The following AGFG1 variants were observed in gnomAD, a reference collection of about 807,000 sequenced individuals.
AGFG1 encodes the protein ArfGAP with FG repeats 1.
AGFG1 carries 10 observed loss-of-function variants against 60.6 expected under a neutral mutation model. The ratio of observed to expected loss-of-function variants is 0.16; its 90% CI spans 0.10 to 0.28. The LOEUF is 0.28. AGFG1 is among the 10% of genes least tolerant of loss of function. AGFG1 has a pLI of 1.00. For missense variants in AGFG1, 537 were observed against 676.5 expected (o/e 0.79, Z 2.29); for synonymous variants, 247 against 242.9 (o/e 1.02, Z -0.16).
chr2:227,551,926 G>T, intron 10 of AGFG1, 33 bp from the exon 11 acceptor site: 1 of 1,609,180 alleles, frequency 6.2e-7, no homozygotes, highest in Non-Finnish European at 8.5e-7. Context: ...ATATCCTGTT[G>T]TATGTAACTG....
chr2:227,540,366 C>T lies in AGFG1; in HGVS notation c.1378+3373C>T, dbSNP rs115578530. On this transcript the variant is annotated intron_variant, in intron 10 of 12. Coordinates refer to ENST00000310078, the MANE Select transcript of AGFG1 (RefSeq NM_004504.5). Reference sequence around the variant, plus strand: ...CCACTCTACCCGACCCCAAGACAGGCGCCGGTGTGTGATGTTCCCCACCTT... The same window carrying T: ...CCACTCTACCCGACCCCAAGACAGGTGCCGGTGTGTGATGTTCCCCACCTT... 1.9e-3 allele frequency among the ~76,000 whole-genome samples: 291 copies of T among 152,166 alleles called. 1 individual carries two copies. The highest frequency in any genetic ancestry group is 3.2e-3 in the Non-Finnish European group (219 of 68,010).
Position 227,523,130 on chromosome 2 carries a change from A to T in AGFG1, c.378-633A>T, listed in dbSNP as rs116744271. Among the ~76,000 whole-genome samples the T allele has an allele frequency of 4.9e-3, 747 of 152,338 alleles. 8 individuals are homozygous for T. The highest frequency in any genetic ancestry group is 8.0e-3 in the Non-Finnish European group (547 of 68,042). On this transcript the variant is annotated intron_variant, in intron 3 of 12. Transcript: ENST00000310078. ...GTGGCACTTCTGGTGCACAAAGCAC[A>T]CCTATTTATATATTTTAGTAGGTAG...
At chr2:227,485,243 C>CTTTTT (rs71036201) in intron 1 of AGFG1, among the ~76,000 whole-genome samples, 1 of 110,552 alleles carries the variant, frequency 9.0e-6, no homozygotes, top group Non-Finnish European at 1.8e-5. Context: ...CGAATCGTTT[C>CTTTTT]TTTTTTTTTT....
At position 227,482,577 on chromosome 2, in the gene AGFG1, C is replaced by T. The variant is rs150683734; in HGVS notation, c.168-8970C>T. Among the ~76,000 whole-genome samples, 415 of 152,182 alleles carry T rather than the reference C, an allele frequency of 2.7e-3. 1 individual carries two copies. Among genetic ancestry groups the T allele is most frequent in the African/African-American group, 9.3e-3 (386 of 41,508 alleles). The stretch of plus-strand genomic sequence containing the variant: ...AAATGTCAACTTTATTACTTTCTGC[C>T]AGTATTATTGGCAACTACATAAACT... On this transcript the variant is annotated intron_variant, in intron 1 of 12. Transcript: ENST00000310078.
chr2:227,480,525 T>C (rs533228300), intron 1 of AGFG1, among the ~76,000 whole-genome samples: 8 of 152,044 alleles, frequency 5.3e-5, no homozygotes, highest in Admixed American at 2.6e-4. Context: ...TCAGCCTCCC[T>C]GGTAGCTGGG....
At chr2:227,484,853 G>A (rs1396808023) in intron 1 of AGFG1, among the ~76,000 whole-genome samples, 2 of 151,520 alleles carry the variant, frequency 1.3e-5, no homozygotes, top group South Asian at 2.1e-4. Context: ...ACAAGTGTGC[G>A]CCAACATGCC....
intron 10 of AGFG1, among the ~76,000 whole-genome samples, chr2:227,542,137 T>C (rs942264122): frequency 4.6e-5 from 7 of 152,198 alleles, no homozygotes; most frequent in Non-Finnish European, 7.3e-5. Flanking sequence ...CTTTTCCTAA[T>C]TGAATACCCG....
chr2:227,556,141 A>G lies in AGFG1; in HGVS notation c.*1646A>G, dbSNP rs953256039. 7.9e-5 allele frequency: 12 copies of G among 152,246 alleles called. No homozygotes were observed. The South Asian group carries it at 8.3e-4, about 10-fold the overall frequency. 9.4% of individuals were successfully genotyped at this position (152,246 alleles called of 1,614,324 possible). ...TACACAGATATGTAGTACATATTTTAAAAGTTTTATCTTAAATTGATTAAA... is the reference window on the plus strand; with the variant it reads ...TACACAGATATGTAGTACATATTTTGAAAGTTTTATCTTAAATTGATTAAA... On this transcript the variant is annotated 3_prime_UTR_variant, in exon 13 of 13. Coordinates refer to ENST00000310078, the MANE Select transcript of AGFG1 (RefSeq NM_004504.5).
At chr2:227,552,299 T>A (rs1575120657) in intron 11 of AGFG1, among the ~76,000 whole-genome samples, 182 bp downstream of exon 11, 1 of 152,228 alleles carries the variant, frequency 6.6e-6, no homozygotes, top group Non-Finnish European at 1.5e-5. Flanking sequence ...TTTTACAAGT[T>A]TTTGTGAGCA....
intron 10 of AGFG1, among the ~76,000 whole-genome samples, chr2:227,545,821 A>G (rs1692629184): frequency 6.6e-6 from 1 of 152,210 alleles, no homozygotes; most frequent in Admixed American, 6.5e-5. Context: ...ATTGCAAAAC[A>G]GCAAATGTTG....
chr2:227,534,702 G>C (rs971235417), intron 7 of AGFG1, 143 bp from the exon 8 acceptor site: 1 of 811,784 alleles, frequency 1.2e-6, no homozygotes, highest in Non-Finnish European at 2.0e-6. Flanking sequence ...GTATGGTCCA[G>C]GTTATTTATT....
chr2:227,527,209 C>T (rs1373108831), intron 5 of AGFG1, among the ~76,000 whole-genome samples: 1 of 151,818 alleles, frequency 6.6e-6, no homozygotes, highest in Non-Finnish European at 1.5e-5. Context: ...GGGCAAATTA[C>T]CTAACATTTC....
intron 2 of AGFG1, among the ~76,000 whole-genome samples, chr2:227,504,874 A>G (rs1031095892): frequency 6.6e-6 from 1 of 152,098 alleles, no homozygotes; most frequent in African/African-American, 2.4e-5. Flanking sequence ...GTGAGTGTAC[A>G]GTGTGTACTT....
At chr2:227,533,801 A>G (rs769772320) in intron 7 of AGFG1, 43 bp downstream of exon 7, 1 of 1,536,242 alleles carries the variant, frequency 6.5e-7, no homozygotes. Flanking sequence ...TGTGTTAAAC[A>G]GTGCTCTTAA....
chr2:227,533,974 C>G (rs1002748734), intron 7 of AGFG1, among the ~76,000 whole-genome samples: 1 of 152,110 alleles, frequency 6.6e-6, no homozygotes, highest in Non-Finnish European at 1.5e-5. Flanking sequence ...TGTAAACTTT[C>G]AGTCTTACTA....
rs747292204 is a variant in AGFG1, at chr2:227,508,592, A to G, written c.262-11356A>G. 1.7e-4 allele frequency: 79 copies of G among 470,170 alleles called. 1 individual carries two copies. The highest frequency in any genetic ancestry group is 3.8e-4 in the African/African-American group (19 of 50,034). 29.1% of individuals were successfully genotyped at this position (470,170 alleles called of 1,614,324 possible). A position where few individuals can be genotyped will look rare whatever the true frequency, so the allele number is the denominator to read the frequency against. On this transcript the variant is annotated intron_variant, in intron 2 of 12. Coordinates refer to ENST00000310078, the MANE Select transcript of AGFG1 (RefSeq NM_004504.5). ...GGTTAATTTTTCCTTGAAACCTTGC[A>G]TATCAGATTCATAATATCTTTGGGA...
At chr2:227,549,829 T>C (rs951916905) in intron 10 of AGFG1, among the ~76,000 whole-genome samples, 13 of 152,260 alleles carry the variant, frequency 8.5e-5, no homozygotes, top group African/African-American at 2.9e-4. Context: ...ATTTGTTATT[T>C]ATTATTCTAA....
intron 1 of AGFG1, among the ~76,000 whole-genome samples, chr2:227,486,209 G>A (rs759488450): frequency 1.1e-4 from 16 of 152,054 alleles, no homozygotes; most frequent in South Asian, 6.2e-4. Context: ...GTATAACATG[G>A]GACACATTTC....
chr2:227,560,395 A>AT lies in AGFG1; in HGVS notation c.*5903dup, dbSNP rs1693101682. On this transcript the variant is annotated 3_prime_UTR_variant, in exon 13 of 13. Transcript: ENST00000310078. ...TGTGTAGGTATGATCTTGTGCTTCC[A>AT]TTTAAGAAATTCTTCCATTTAAAGA... 6.7e-6 allele frequency: 1 copy of AT among 150,208 alleles called. No homozygotes were observed. Among genetic ancestry groups the AT allele is most frequent in the African/African-American group, 2.4e-5 (1 of 40,868 alleles). 9.3% of individuals were successfully genotyped at this position (150,208 alleles called of 1,614,324 possible). A position where few individuals can be genotyped will look rare whatever the true frequency, so the allele number is the denominator to read the frequency against.
Sources: gnomAD v4.1 joint callset for allele counts (sites outside exome capture counted in the v4.1 genomes callset) on GRCh38, gnomAD v4.1.1 for gene constraint, MANE v1.5 for transcripts, NCBI Gene and HGNC (gene_info 2026-07-23, HGNC 2026-07-21) for gene names.